Variants in JMJD6 observed in about 807,000 individuals in gnomAD.
JMJD6 encodes the protein jumonji domain containing 6, arginine demethylase and lysine hydroxylase.
A neutral mutation model predicts 45.8 loss-of-function variants in JMJD6; 17 were observed. The ratio of observed to expected loss-of-function variants is 0.37; its 90% CI spans 0.25 to 0.56. The LOEUF is 0.56. Ranked by LOEUF, JMJD6 falls within the 20% of genes least tolerant of loss-of-function variation. The pLI is 0.79. For missense variants in JMJD6, 470 were observed against 517.5 expected, an observed-to-expected ratio of 0.91 and a Z score of 0.89; for synonymous variants, 221 against 196.3, an observed-to-expected ratio of 1.13 and a Z score of -1.05.
intron 2 of JMJD6, among the ~76,000 whole-genome samples, chr17:76,725,005 C>G (rs2076887825): frequency 6.6e-6 from 1 of 152,090 alleles, no homozygotes; most frequent in Admixed American, 6.6e-5. Context: ...AGGGCCCAGG[C>G]AGGCCTCAGG....
intron 5 of JMJD6, 41 bp downstream of exon 5, chr17:76,720,319 C>G (rs1297310853): frequency 1.8e-5 from 29 of 1,600,156 alleles, no homozygotes; most frequent in Non-Finnish European, 2.5e-5. Flanking sequence ...GTTACATGAG[C>G]CTTGGAGGCT....
In JMJD6 at chr17:76,718,543, C is replaced by T. The variant is rs1343891168; in HGVS notation, c.*186G>A. ...CCTGAGTAAAACAAGCCGCGTTTAT[C>T]TGCATTGGTAGCAGAGGGAAAGCTA... On this transcript the variant is annotated 3_prime_UTR_variant, in exon 6 of 6. Coordinates refer to ENST00000397625, the MANE Select transcript of JMJD6 (RefSeq NM_015167.3). 1 of 1,379,728 alleles carries T rather than the reference C, an allele frequency of 7.2e-7. No individual in the cohort carries two copies. The highest frequency in any genetic ancestry group is 3.4e-5 in the Admixed American group (1 of 29,268). The allele number at this position is 1,379,728 out of a possible 1,614,324, so 85.5% of individuals were successfully genotyped here.
chr17:76,722,001 A>G, intron 3 of JMJD6, 68 bp from the exon 4 acceptor site: 1 of 1,546,332 alleles, frequency 6.5e-7, no homozygotes, highest in African/African-American at 1.4e-5. Context: ...TAACACACAC[A>G]CCAGAAATTG....
At chr17:76,723,058 G>A (rs1450567735) in intron 3 of JMJD6, among the ~76,000 whole-genome samples, 1 of 150,488 alleles carries the variant, frequency 6.6e-6, no homozygotes, top group Non-Finnish European at 1.5e-5. Context: ...TGATTCTCCT[G>A]CCTCAGCCTC....
chr17:76,723,477 G>C (rs910751788), intron 3 of JMJD6, among the ~76,000 whole-genome samples: 1 of 146,032 alleles, frequency 6.8e-6, no homozygotes, highest in African/African-American at 2.6e-5. Flanking sequence ...GTCTTACTCT[G>C]TCACCCTGGC....
intron 3 of JMJD6, among the ~76,000 whole-genome samples, chr17:76,722,259 A>G (rs2076834904): frequency 1.3e-5 from 2 of 152,200 alleles, no homozygotes; most frequent in Admixed American, 1.3e-4. Flanking sequence ...TACTCCTGTT[A>G]ATCCAAAGCT....
intron 2 of JMJD6, among the ~76,000 whole-genome samples, chr17:76,724,994 T>G (rs554952347): frequency 3.6e-4 from 55 of 152,278 alleles, no homozygotes; most frequent in African/African-American, 1.1e-3. Context: ...GTCTCCCCAG[T>G]AGGGCCCAGG....
At chr17:76,716,293 ACT>A (rs2143715438), downstream of JMJD6, 2 of 182,340 alleles carry the variant, frequency 1.1e-5, no homozygotes, top group South Asian at 2.2e-4. Context: ...TCCACTCACC[ACT>A]CTCAGTCTCT....
At chr17:76,725,985 T>TG (rs2076919120) in intron 1 of JMJD6, 130 bp from the exon 2 acceptor site, 3 of 1,217,780 alleles carry the variant, frequency 2.5e-6, no homozygotes, top group Middle Eastern at 2.8e-4. Context: ...TCCTCCGGGG[T>TG]GGGGGCAGGG....
chr17:76,725,964 T>A, intron 1 of JMJD6, 109 bp from the exon 2 acceptor site: 1 of 1,345,072 alleles, frequency 7.4e-7, no homozygotes, highest in Non-Finnish European at 9.9e-7. Context: ...GGAAGTTGAC[T>A]CTCGTCTGGC....
downstream of JMJD6, chr17:76,716,525 A>G: frequency 1.5e-6 from 1 of 657,602 alleles, no homozygotes; most frequent in Admixed American, 2.8e-5. Flanking sequence ...AGGAAGCAGT[A>G]AAAACAGCAT....
rs1308705129 is a variant in JMJD6 at position 76,721,936 on chromosome 17, G to A, written c.806-3C>T. On this transcript the variant is annotated splice_polypyrimidine_tract_variant and splice_region_variant and intron_variant, in intron 3 of 5. Transcript: ENST00000397625. Reference sequence around the variant, plus strand: ...GAGGACAACATGCCACCAGCCTCCTGAAATCCAACAAATAAACAGTTAAAC... The same window carrying A: ...GAGGACAACATGCCACCAGCCTCCTAAAATCCAACAAATAAACAGTTAAAC... The A allele has an allele frequency of 6.2e-7, 1 of 1,613,986 alleles. No homozygotes were observed. Among genetic ancestry groups the A allele is most frequent in the South Asian group, 1.1e-5 (1 of 91,060 alleles).
At chr17:76,720,191 C>A (rs2076805688) in intron 5 of JMJD6, among the ~76,000 whole-genome samples, 169 bp downstream of exon 5, 1 of 152,136 alleles carries the variant, frequency 6.6e-6, no homozygotes, top group African/African-American at 2.4e-5. Context: ...GTAAAATGGG[C>A]AAGATACACC....
intron 5 of JMJD6, 121 bp from the exon 6 acceptor site, chr17:76,718,981 A>T: frequency 1.1e-6 from 1 of 932,854 alleles, no homozygotes. Flanking sequence ...AATGCAAAGC[A>T]GTCATTATGA....
chr17:76,722,914 T>TAA (rs1376061503), intron 3 of JMJD6, among the ~76,000 whole-genome samples: 1 of 1,628 alleles, frequency 6.1e-4, no homozygotes, highest in Non-Finnish European at 2.0e-3. Context: ...CCGCTACACA[T>TAA]ACACAAACAA....
chr17:76,718,338 G>A (rs1211218434), downstream of JMJD6: 2 of 731,818 alleles, frequency 2.7e-6, no homozygotes, highest in African/African-American at 1.8e-5. Context: ...CTGGGACGAC[G>A]ACTCTGTGGT....
intron 2 of JMJD6, among the ~76,000 whole-genome samples, chr17:76,724,443 G>A (rs80173722): frequency 0.037 from 5,681 of 151,814 alleles, 335 homozygotes; most frequent in African/African-American, 0.13. Context: ...TATGTGATAT[G>A]TCATCTTTAT....
chr17:76,725,392 G>A, intron 2 of JMJD6, 75 bp downstream of exon 2: 2 of 1,328,506 alleles, frequency 1.5e-6, no homozygotes, highest in South Asian at 3.1e-5. Flanking sequence ...GGCTACAAGA[G>A]TGACGCTCTG....
intron 3 of JMJD6, among the ~76,000 whole-genome samples, chr17:76,722,871 AATTAAACCC>A (rs2076843708): frequency 2.8e-5 from 4 of 142,764 alleles, no homozygotes; most frequent in African/African-American, 1.0e-4. Context: ...AAAAAAAAAG[AATTAAACCC>A]CAATTTACAG....
Sources: allele counts gnomAD v4.1 joint callset (sites outside exome capture counted in the v4.1 genomes callset), GRCh38; gene constraint gnomAD v4.1.1; transcripts MANE v1.5; gene names NCBI Gene and HGNC (gene_info 2026-07-23, HGNC 2026-07-21).